The following RHOJ variants were observed in gnomAD, a reference collection of about 807,000 sequenced individuals.
The protein encoded by RHOJ is ras homolog family member J.
Under a neutral mutation model 23.4 loss-of-function variants are expected in RHOJ, and 11 were observed. The ratio of observed to expected loss-of-function variants is 0.47; its 90% confidence interval spans 0.30 to 0.78. The LOEUF (loss-of-function observed/expected upper bound fraction) is 0.78. Among genes scored for constraint, RHOJ ranks in the 30% least tolerant of loss-of-function variants. RHOJ has a pLI of 0.08. For synonymous variants in RHOJ, 102 were observed against 102.7 expected, an observed-to-expected ratio of 0.99 and a Z score of 0.04; for missense variants, 254 against 273.4, an observed-to-expected ratio of 0.93 and a Z score of 0.50.
intron 4 of RHOJ, 180 bp downstream of exon 4, chr14:63,283,396 C>T (rs1594778537): frequency 1.7e-6 from 1 of 592,160 alleles, no homozygotes; most frequent in East Asian, 2.8e-5. Context: ...TTTGGTTAGC[C>T]TTCTTGTCAG....
chr14:63,235,216 A>C (rs1163256177), intron 1 of RHOJ, among the ~76,000 whole-genome samples: 2 of 152,148 alleles, frequency 1.3e-5, no homozygotes, highest in Non-Finnish European at 2.9e-5. Flanking sequence ...TCCAAAAAAA[A>C]AAAGAGGCAC....
chr14:63,212,283 C>A (rs138896522), intron 1 of RHOJ, among the ~76,000 whole-genome samples: 45 of 152,238 alleles, frequency 3.0e-4, no homozygotes, highest in Middle Eastern at 3.4e-3. Context: ...GGAAAGCCCC[C>A]CTCTGTGCCC....
intron 1 of RHOJ, among the ~76,000 whole-genome samples, chr14:63,249,653 T>G (rs775363153): frequency 6.6e-6 from 1 of 152,222 alleles, no homozygotes; most frequent in Non-Finnish European, 1.5e-5. Context: ...AAATATTCCT[T>G]CTCAATCTTG....
chr14:63,214,327 A>G (rs989642600), intron 1 of RHOJ, among the ~76,000 whole-genome samples: 4 of 152,240 alleles, frequency 2.6e-5, no homozygotes, highest in African/African-American at 9.6e-5. Context: ...CCATTTAGAT[A>G]TCACAAATGT....
chr14:63,228,460 G>A (rs1894634322), intron 1 of RHOJ, among the ~76,000 whole-genome samples: 1 of 152,074 alleles, frequency 6.6e-6, no homozygotes, highest in Admixed American at 6.5e-5. Flanking sequence ...AAGAACAGGG[G>A]ACTGATTCCA....
At chr14:63,250,423 G>A (rs1406319817) in intron 1 of RHOJ, among the ~76,000 whole-genome samples, 1 of 152,044 alleles carries the variant, frequency 6.6e-6, no homozygotes, top group Admixed American at 6.6e-5. Flanking sequence ...AATTTTTGTA[G>A]AGATAGGGTT....
chr14:63,251,139 C>T (rs970832302), intron 1 of RHOJ, among the ~76,000 whole-genome samples: 1 of 152,186 alleles, frequency 6.6e-6, no homozygotes, highest in Non-Finnish European at 1.5e-5. Flanking sequence ...ATTTTCCTAG[C>T]AAGGGGTTAT....
At chr14:63,268,253 C>T (rs548286900) in intron 1 of RHOJ, among the ~76,000 whole-genome samples, 17 of 152,192 alleles carry the variant, frequency 1.1e-4, no homozygotes, top group Admixed American at 5.9e-4. Context: ...TTTCCTTTCA[C>T]GAAAAGAATT....
intron 1 of RHOJ, among the ~76,000 whole-genome samples, chr14:63,223,924 T>G (rs1440628084): frequency 6.6e-6 from 1 of 152,132 alleles, no homozygotes; most frequent in Admixed American, 6.6e-5. Context: ...TTGAGCAAAT[T>G]TATTACCACA....
intron 1 of RHOJ, among the ~76,000 whole-genome samples, chr14:63,252,848 A>G (rs190730886): frequency 6.6e-6 from 1 of 152,288 alleles, no homozygotes; most frequent in Non-Finnish European, 1.5e-5. Context: ...CCTAGCCTCA[A>G]GCAACCCTCC....
intron 1 of RHOJ, among the ~76,000 whole-genome samples, chr14:63,214,403 A>G (rs1467899831): frequency 6.6e-6 from 1 of 152,252 alleles, no homozygotes; most frequent in Non-Finnish European, 1.5e-5. Flanking sequence ...AATGGTGCCT[A>G]TGAATCAAGC....
chr14:63,235,231 G>A (rs896428395), intron 1 of RHOJ, among the ~76,000 whole-genome samples: 1 of 150,884 alleles, frequency 6.6e-6, no homozygotes, highest in Non-Finnish European at 1.5e-5. Context: ...AGGCACTATC[G>A]CAGGAAGGAA....
At chr14:63,252,910 A>G (rs982311056) in intron 1 of RHOJ, among the ~76,000 whole-genome samples, 1 of 152,124 alleles carries the variant, frequency 6.6e-6, no homozygotes, top group Non-Finnish European at 1.5e-5. Context: ...TCCACACCTG[A>G]TAGAAGCACC....
intron 3 of RHOJ, 38 bp downstream of exon 3, chr14:63,281,173 A>G: frequency 1.3e-6 from 2 of 1,565,814 alleles, no homozygotes; most frequent in Middle Eastern, 1.8e-4. Flanking sequence ...AGCGGGCTGC[A>G]AAAATGGGAA....
intron 1 of RHOJ, among the ~76,000 whole-genome samples, chr14:63,247,779 T>G (rs1030728968): frequency 6.6e-6 from 1 of 152,188 alleles, no homozygotes; most frequent in Non-Finnish European, 1.5e-5. Flanking sequence ...TCTGTTTTCA[T>G]GCTGCTAATA....
At chr14:63,206,077 G>A (rs1473734979) in intron 1 of RHOJ, among the ~76,000 whole-genome samples, 1 of 152,184 alleles carries the variant, frequency 6.6e-6, no homozygotes, top group Non-Finnish European at 1.5e-5. Flanking sequence ...CAGGAAACCA[G>A]CATGAGTGTC....
intron 2 of RHOJ, among the ~76,000 whole-genome samples, chr14:63,273,694 C>A (rs1054097300): frequency 6.6e-6 from 1 of 152,212 alleles, no homozygotes; most frequent in Non-Finnish European, 1.5e-5. Flanking sequence ...TGTGGCCTCA[C>A]CTAGAAGGAT....
rs1894073281 is a variant in RHOJ, at chr14:63,204,917, C to T, written c.48C>T (p.Asn16=). ...ACAGCAGCTGCGGCTGCAGGGGCAA[C>T]GACGAGAAGAAGATGTTGAAGTGTG... is the stretch of plus-strand genomic sequence containing the variant. ...GTDSSCGCRG[N]DEKKMLKCVV... Residue 16 remains asparagine, a synonymous_variant, in exon 1 of 5, where the codon AAC becomes AAT. Transcript: ENST00000316754. 3 of 1,613,944 alleles carry T rather than the reference C, an allele frequency of 1.9e-6. No homozygotes were observed. Among genetic ancestry groups the T allele is most frequent in the Non-Finnish European group, 2.5e-6 (3 of 1,179,992 alleles).
chr14:63,267,895 C>T (rs906841826), intron 1 of RHOJ, among the ~76,000 whole-genome samples: 5 of 152,310 alleles, frequency 3.3e-5, no homozygotes, highest in Admixed American at 1.3e-4. Context: ...TGTCTGGGGA[C>T]GTAGCGCTTT....
Sources: gnomAD v4.1 joint callset for allele counts (sites outside exome capture counted in the v4.1 genomes callset) on GRCh38, gnomAD v4.1.1 for gene constraint, MANE v1.5 for transcripts, NCBI Gene and HGNC (gene_info 2026-07-23, HGNC 2026-07-21) for gene names.